The following ABCA9 variants were observed in gnomAD, a reference collection of about 807,000 sequenced individuals.
The protein encoded by ABCA9 is ATP-binding cassette sub-family A member 9.
In ABCA9, 183 loss-of-function variants were observed where a neutral mutation model predicts 205.3. The observed-to-expected ratio is 0.89, with a 90% CI of 0.79 to 1.01. ABCA9 has a LOEUF of 1.01. Ranked by LOEUF, ABCA9 falls within the 50% of genes least tolerant of loss-of-function variation. The pLI, the probability that ABCA9 is intolerant of heterozygous loss-of-function variation, is 0.00. For synonymous variants in ABCA9, 651 were observed against 683.3 expected (o/e 0.95, Z 0.74); for missense variants, 1,805 against 1,912.4 (o/e 0.94, Z 1.05).
chr17:69,025,857 AT>A (rs1277250668), intron 16 of ABCA9, among the ~76,000 whole-genome samples: 1 of 152,144 alleles, frequency 6.6e-6, no homozygotes, highest in Non-Finnish European at 1.5e-5. Flanking sequence ...TCTTAAAGTT[AT>A]TTAGAGGATT....
rs142588896 is a variant in ABCA9 at position 69,052,571 on chromosome 17, A to G, written c.-13-1432T>C. Among the ~76,000 whole-genome samples, 332 of 152,320 alleles carry G rather than the reference A, an allele frequency of 2.2e-3. 3 individuals are homozygous for G. The highest frequency in any genetic ancestry group is 0.01 in the Middle Eastern group (3 of 294). On this transcript the variant is annotated intron_variant, in intron 1 of 38. Coordinates refer to ENST00000340001, the MANE Select transcript of ABCA9 (RefSeq NM_080283.4). ...GACAATATGTAACGAGGGAGAAAAA[A>G]AAGTCCACACCTGTTTCTCTGTATA...
chr17:69,073,222 C>T, the ABCA9 span, among the ~76,000 whole-genome samples: 32 of 152,220 alleles, frequency 2.1e-4, no homozygotes, highest in Admixed American at 1.6e-3. Flanking sequence ...ATATTCAGGA[C>T]GTGAACTCAG....
At chr17:68,986,347 TA>T (rs2069239948) in intron 31 of ABCA9, 23 bp from the exon 32 acceptor site, 4 of 1,591,660 alleles carry the variant, frequency 2.5e-6, no homozygotes, top group Non-Finnish European at 3.4e-6. Flanking sequence ...AGTTCATTCT[TA>T]GATTCTATCC....
chr17:69,008,304 A>G (rs1056714956), intron 23 of ABCA9, 69 bp from the exon 24 acceptor site: 2 of 1,395,496 alleles, frequency 1.4e-6, no homozygotes, highest in African/African-American at 2.9e-5. Flanking sequence ...GCAAATATAC[A>G]GTCATGAAAG....
At chr17:68,986,127 C>T in intron 32 of ABCA9, 37 bp downstream of exon 32, 1 of 1,563,380 alleles carries the variant, frequency 6.4e-7, no homozygotes, top group South Asian at 1.2e-5. Context: ...TACAACATCC[C>T]CTCCAGCAAA....
rs181721233 is a variant in ABCA9 at position 69,010,704 on chromosome 17, G to C, written c.3147+1272C>G. On this transcript the variant is annotated intron_variant, in intron 23 of 38. Transcript: ENST00000340001. ...TCTTGCAGTGGTTTAGGCAAGGAATGATGATGACTTAGACCACGAAGAAAA... is the reference window on the plus strand; with the variant it reads ...TCTTGCAGTGGTTTAGGCAAGGAATCATGATGACTTAGACCACGAAGAAAA... 1.3e-3 allele frequency among the ~76,000 whole-genome samples: 201 copies of C among 152,266 alleles called. 2 individuals carry two copies. Among genetic ancestry groups the C allele is most frequent in the Non-Finnish European group, 1.6e-3 (109 of 68,016 alleles).
chr17:69,071,097 G>T, the ABCA9 span, among the ~76,000 whole-genome samples: 1 of 152,192 alleles, frequency 6.6e-6, no homozygotes, highest in Non-Finnish European at 1.5e-5. Flanking sequence ...CCAATCAGGG[G>T]CTTATAGATA....
In ABCA9 at chr17:69,024,261, T is replaced by C. The variant is rs966069425; in HGVS notation, c.2234A>G (p.Glu745Gly). ...SDAKLTAQSEEKLVYILPLER... is the reference protein window; with the variant it reads ...SDAKLTAQSEGKLVYILPLER... ...CAAAGGCAAAATATATACAAGTTTT[T>C]CTTCACTTTGTGCTGTCAATTTGGC... Residue 745 changes from glutamate (E) to glycine (G), a missense_variant, in exon 17 of 39, where the codon GAA (glutamate) becomes GGA (glycine). Glu to Gly is a moderately conservative substitution (Grantham distance 98). Coordinates refer to ENST00000340001, the MANE Select transcript of ABCA9 (RefSeq NM_080283.4). 1.2e-6 allele frequency: 2 copies of C among 1,613,414 alleles called. No homozygotes were observed. The highest frequency in any genetic ancestry group is 1.7e-6 in the Non-Finnish European group (2 of 1,179,584).
At chr17:69,036,137 A>G (rs1368077936) in intron 6 of ABCA9, among the ~76,000 whole-genome samples, 5 of 152,180 alleles carry the variant, frequency 3.3e-5, no homozygotes, top group African/African-American at 7.2e-5. Flanking sequence ...AGGTTATTGT[A>G]TAAATAATAT....
At chr17:69,043,065 G>A (rs2071595800) in intron 6 of ABCA9, 1 of 176,116 alleles carries the variant, frequency 5.7e-6, no homozygotes, top group African/African-American at 2.4e-5. Flanking sequence ...GATCCCATCT[G>A]GGGGTGATGG....
chr17:69,070,661 A>C, the ABCA9 span, among the ~76,000 whole-genome samples: 2 of 152,120 alleles, frequency 1.3e-5, no homozygotes, highest in African/African-American at 2.4e-5. Context: ...ACAAAGCTGG[A>C]TGGCCATTTG....
intron 25 of ABCA9, among the ~76,000 whole-genome samples, chr17:69,006,797 G>A (rs536996334): frequency 6.6e-6 from 1 of 152,254 alleles, no homozygotes; most frequent in African/African-American, 2.4e-5. Flanking sequence ...TTTCTATAAT[G>A]TAGGCTATAC....
chr17:68,984,146 G>T lies in ABCA9; in HGVS notation c.4409C>A (p.Thr1470Lys), dbSNP rs146348192. 6.2e-7 allele frequency: 1 copy of T among 1,613,996 alleles called. No homozygotes were observed. Among genetic ancestry groups the T allele is most frequent in the Non-Finnish European group, 8.5e-7 (1 of 1,180,016 alleles). Residue 1470 changes from threonine (T) to lysine (K), a missense_variant, in exon 35 of 39, where the codon ACG becomes AAG. Transcript: ENST00000340001. ...GGTGGTCAGGAGGGCGCCCCTCTCC[G>T]TGTTTCTAAAGGTGGCCCGAATCAC... Reference protein sequence around the residue: ...WQVIRATFRNTERGALLTTHY... With the variant: ...WQVIRATFRNKERGALLTTHY...
At position 69,054,965 on chromosome 17, in the gene ABCA9, A is replaced by G. The variant is rs148974935; in HGVS notation, c.-13-3826T>C. On this transcript the variant is annotated intron_variant, in intron 1 of 38. Transcript: ENST00000340001. Reference sequence around the variant, plus strand: ...GGAAAATTCATGAAAGAAAGTAAAAACAAAAAACAAAAAAAATGAGTCTAA... The same window carrying G: ...GGAAAATTCATGAAAGAAAGTAAAAGCAAAAAACAAAAAAAATGAGTCTAA... Among the ~76,000 whole-genome samples, 16 of 152,238 alleles carry G rather than the reference A, an allele frequency of 1.1e-4. No individual in the cohort carries two copies. The East Asian group carries it at 2.7e-3, about 26-fold the overall frequency.
At chr17:68,993,512 T>C (rs940680727) in intron 26 of ABCA9, among the ~76,000 whole-genome samples, 8 of 152,248 alleles carry the variant, frequency 5.3e-5, no homozygotes, top group Non-Finnish European at 1.2e-4. Flanking sequence ...TGAGAGTAAT[T>C]ATGACAATCT....
At chr17:69,008,317 T>C in intron 23 of ABCA9, 82 bp from the exon 24 acceptor site, 1 of 1,326,540 alleles carries the variant, frequency 7.5e-7, no homozygotes, top group Non-Finnish European at 1.1e-6. Flanking sequence ...CATGAAAGCA[T>C]TCATTTTTGC....
At position 68,990,957 on chromosome 17, in the gene ABCA9, T is replaced by A; in HGVS notation, c.3717A>T (p.Arg1239Ser). The A allele has an allele frequency of 6.2e-7, 1 of 1,607,514 alleles. No individual in the cohort carries two copies. Among genetic ancestry groups the A allele is most frequent in the Non-Finnish European group, 8.5e-7 (1 of 1,178,450 alleles). The change falls in exon 29 of 39, where the codon AGA becomes AGT. Residue 1239 changes from arginine to serine, a missense_variant and splice_region_variant. Arg to Ser is a moderately radical substitution (Grantham distance 110). Transcript: ENST00000340001. The stretch of plus-strand genomic sequence containing the variant: ...AAATAGCGTTGCTTCTTGGAGAAAT[T>A]CTGAAATCAAAACAGTGTGATAATG... ...KKLMRKDPVF[R>S]ISPRSNAIFP...
In ABCA9 at chr17:68,984,905, G is replaced by A. The variant is rs371992345; in HGVS notation, c.4359C>T (p.Pro1453=). ...LLDEPSTGMD[P]EGQQQMWQVI... is the part of the protein sequence containing the mutation. ...CTCACCACATTTGCTGCTGCCCCTC[G>A]GGGTCCATCCCGGTCGACGGCTCAT... The change falls in exon 34 of 39, where the codon CCC becomes CCT. Residue 1453 remains proline (P), a synonymous_variant. Transcript: ENST00000340001. 1.1e-5 allele frequency: 17 copies of A among 1,613,992 alleles called. No homozygotes were observed. The African/African-American group carries it at 1.2e-4, about 11-fold the overall frequency.
chr17:69,008,115 A>T lies in ABCA9; in HGVS notation c.3268T>A (p.Tyr1090Asn). The change falls in exon 24 of 39, where the codon TAT becomes AAT. Residue 1090 changes from tyrosine (Y) to asparagine (N), a missense_variant. Tyr to Asn is a moderately radical substitution (Grantham distance 143). Coordinates refer to ENST00000340001, the MANE Select transcript of ABCA9 (RefSeq NM_080283.4). ...ATAATCTCCTCTGGGCTAAAAATATAATCCATTATTTGCATTAGCAGGAGG... is the reference window on the plus strand; with the variant it reads ...ATAATCTCCTCTGGGCTAAAAATATTATCCATTATTTGCATTAGCAGGAGG... ...LILLLMQIMD[Y>N]IFSPEEIIFI... 6.2e-7 allele frequency: 1 copy of T among 1,613,230 alleles called. No homozygotes were observed. The highest frequency in any genetic ancestry group is 2.2e-5 in the East Asian group (1 of 44,874).
Sources: gnomAD v4.1 joint callset for allele counts (sites outside exome capture counted in the v4.1 genomes callset) on GRCh38, gnomAD v4.1.1 for gene constraint, MANE v1.5 for transcripts, NCBI Gene and HGNC (gene_info 2026-07-23, HGNC 2026-07-21) for gene names.